Variants in CNTNAP5 observed in about 807,000 individuals in gnomAD.
The protein encoded by CNTNAP5 is contactin-associated protein-like 5.
A neutral mutation model predicts 150.2 loss-of-function variants in CNTNAP5; 72 were observed. The ratio of observed to expected loss-of-function variants is 0.48; its 90% CI spans 0.40 to 0.58. The LOEUF (loss-of-function observed/expected upper bound fraction) is 0.58, where lower values mean the gene tolerates loss of function less well. Among genes scored for constraint, CNTNAP5 ranks in the 20% least tolerant of loss-of-function variants. The pLI, the probability that CNTNAP5 is intolerant of heterozygous loss-of-function variation, is 0.00. For synonymous variants in CNTNAP5, 672 were observed against 619.8 expected (o/e 1.08, Z -1.25); for missense variants, 1,636 against 1,626.2 (o/e 1.01, Z -0.10).
At chr2:124,572,810 A>T (rs1696196734) in intron 11 of CNTNAP5, among the ~76,000 whole-genome samples, 1 of 152,216 alleles carries the variant, frequency 6.6e-6, no homozygotes, top group Non-Finnish European at 1.5e-5. Context: ...AAGACTTCTT[A>T]CCACTGTCTT....
chr2:124,126,975 G>A (rs931302858), intron 1 of CNTNAP5, among the ~76,000 whole-genome samples: 9 of 151,944 alleles, frequency 5.9e-5, no homozygotes, highest in South Asian at 2.1e-4. Flanking sequence ...CAAAAACTGG[G>A]AGCATTCCCT....
chr2:124,706,845 AGGAG>A (rs1558743145), intron 13 of CNTNAP5, among the ~76,000 whole-genome samples: 4 of 2,204 alleles, frequency 1.8e-3, no homozygotes, highest in Admixed American at 4.4e-3. Flanking sequence ...AGGGGGAGGA[AGGAG>A]GAGGAGGAGA....
At chr2:124,753,197 A>G (rs1680768468) in intron 14 of CNTNAP5, among the ~76,000 whole-genome samples, 1 of 152,172 alleles carries the variant, frequency 6.6e-6, no homozygotes. Flanking sequence ...TGATAATCCA[A>G]AAAAGAAAAT....
intron 1 of CNTNAP5, among the ~76,000 whole-genome samples, chr2:124,087,257 A>AT (rs1491459245): frequency 1.3e-5 from 2 of 151,760 alleles, no homozygotes; most frequent in East Asian, 3.8e-4. Flanking sequence ...ATCTACCCAC[A>AT]TTTTTTGTTT....
chr2:124,451,904 G>A (rs1692990645), intron 6 of CNTNAP5, among the ~76,000 whole-genome samples: 1 of 152,130 alleles, frequency 6.6e-6, no homozygotes, highest in South Asian at 2.1e-4. Flanking sequence ...ATCCCTGTGG[G>A]CTTGCTGAGT....
chr2:124,085,592 T>C (rs1173333346), intron 1 of CNTNAP5, among the ~76,000 whole-genome samples: 1 of 152,226 alleles, frequency 6.6e-6, no homozygotes, highest in Non-Finnish European at 1.5e-5. Flanking sequence ...GTTCTTGAGC[T>C]TGCAGCTTGG....
intron 3 of CNTNAP5, among the ~76,000 whole-genome samples, chr2:124,377,078 A>G (rs76339423): frequency 6.6e-6 from 1 of 152,132 alleles, no homozygotes; most frequent in African/African-American, 2.4e-5. Flanking sequence ...CCAAGGAGAA[A>G]GAAGTTGGAA....
At chr2:124,088,976 C>A (rs552513487) in intron 1 of CNTNAP5, among the ~76,000 whole-genome samples, 1 of 152,254 alleles carries the variant, frequency 6.6e-6, no homozygotes, top group African/African-American at 2.4e-5. Flanking sequence ...ATTGCTATTT[C>A]CCTGGCCAAC....
chr2:124,641,613 C>A (rs1390299077), intron 12 of CNTNAP5, among the ~76,000 whole-genome samples: 2 of 152,142 alleles, frequency 1.3e-5, no homozygotes, highest in Non-Finnish European at 1.5e-5. Context: ...ATAGAAAATT[C>A]ACTTTGTCAA....
chr2:124,849,493 C>G (rs961033247), intron 19 of CNTNAP5, among the ~76,000 whole-genome samples: 1 of 152,094 alleles, frequency 6.6e-6, no homozygotes, highest in Non-Finnish European at 1.5e-5. Context: ...GTTCTTCTTT[C>G]TCAAAATTCC....
chr2:124,302,192 C>A (rs983093772), intron 3 of CNTNAP5, among the ~76,000 whole-genome samples: 1 of 152,204 alleles, frequency 6.6e-6, no homozygotes. Flanking sequence ...GTTTAAGCCA[C>A]ATGGTCTATA....
chr2:124,570,798 G>A (rs1696136600), intron 11 of CNTNAP5, among the ~76,000 whole-genome samples: 1 of 152,150 alleles, frequency 6.6e-6, no homozygotes, highest in South Asian at 2.1e-4. Context: ...TATACTTAAA[G>A]AAAAATTGAA....
intron 19 of CNTNAP5, among the ~76,000 whole-genome samples, chr2:124,827,412 A>G (rs1682619378): frequency 6.6e-6 from 1 of 152,166 alleles, no homozygotes; most frequent in Admixed American, 6.6e-5. Flanking sequence ...CAGCCAAGTC[A>G]GTGCACTCCA....
intron 1 of CNTNAP5, among the ~76,000 whole-genome samples, chr2:124,089,298 A>G (rs780527664): frequency 6.6e-6 from 1 of 152,082 alleles, no homozygotes; most frequent in Non-Finnish European, 1.5e-5. Context: ...GTACAAAAGA[A>G]GAAAAATATT....
chr2:124,079,017 T>A (rs1425283068), intron 1 of CNTNAP5, among the ~76,000 whole-genome samples: 1 of 152,150 alleles, frequency 6.6e-6, no homozygotes, highest in Non-Finnish European at 1.5e-5. Flanking sequence ...TGGTGTTGGA[T>A]CTAGCAATTC....
chr2:124,662,685 C>A (rs188568641), intron 13 of CNTNAP5, among the ~76,000 whole-genome samples: 204 of 152,300 alleles, frequency 1.3e-3, no homozygotes, highest in African/African-American at 4.8e-3. Flanking sequence ...GAAGGTAAAG[C>A]AGGATCAGGA....
intron 3 of CNTNAP5, among the ~76,000 whole-genome samples, chr2:124,297,224 C>T (rs985216448): frequency 1.3e-5 from 2 of 152,146 alleles, no homozygotes; most frequent in East Asian, 3.9e-4. Flanking sequence ...AAAATATTTG[C>T]CTCAAAAACT....
chr2:124,707,151 AAG>A (rs1379207825), intron 13 of CNTNAP5, among the ~76,000 whole-genome samples: 18 of 57,982 alleles, frequency 3.1e-4, no homozygotes, highest in African/African-American at 8.2e-4. Flanking sequence ...GAAGAAGAAG[AAG>A]AAGAAGAAGA....
At chr2:124,394,521 T>A (rs530123096) in intron 3 of CNTNAP5, among the ~76,000 whole-genome samples, 1 of 152,184 alleles carries the variant, frequency 6.6e-6, no homozygotes. Flanking sequence ...TGACAGAGAA[T>A]GGCTTAGACT....
Sources: gnomAD v4.1 joint callset for allele counts (sites outside exome capture counted in the v4.1 genomes callset) on GRCh38, gnomAD v4.1.1 for gene constraint, MANE v1.5 for transcripts, NCBI Gene and HGNC (gene_info 2026-07-23, HGNC 2026-07-21) for gene names.